SIDT1: variants seen among roughly 807,000 people sequenced by gnomAD.
SIDT1 encodes SID1 transmembrane family member 1, also known as SID1 transmembrane family, member 1.
SIDT1 carries 101 observed loss-of-function variants against 107.5 expected under a neutral mutation model. The ratio of observed to expected loss-of-function variants is 0.94; its 90% confidence interval spans 0.80 to 1.11. SIDT1 has a LOEUF of 1.11. Ranked by LOEUF, SIDT1 falls within the 50% of genes least tolerant of loss-of-function variation. The probability of loss-of-function intolerance (pLI) is 0.00; values close to 1 mark genes in which losing one functional copy is unlikely to be tolerated. For missense variants in SIDT1, 1,076 were observed against 1,058.2 expected, an observed-to-expected ratio of 1.02 and a Z score of -0.23; for synonymous variants, 395 against 398.2, an observed-to-expected ratio of 0.99 and a Z score of 0.10.
intron 3 of SIDT1, chr3:113,567,989 G>A: frequency 3.2e-6 from 1 of 310,552 alleles, no homozygotes; most frequent in Non-Finnish European, 5.8e-6. Context: ...AGGCAAGAAT[G>A]ACTGGTGACT....
chr3:113,609,188 C>T (rs1299864044), intron 17 of SIDT1, among the ~76,000 whole-genome samples: 9 of 151,362 alleles, frequency 5.9e-5, no homozygotes, highest in African/African-American at 1.7e-4. Context: ...TCAGCCTCCC[C>T]AGTAGCTGGG....
At chr3:113,541,925 C>CTTTT (rs34308658) in intron 1 of SIDT1, among the ~76,000 whole-genome samples, 4 of 128,214 alleles carry the variant, frequency 3.1e-5, no homozygotes, top group South Asian at 2.5e-4. Flanking sequence ...CTTTTTCTTT[C>CTTTT]TTTTTTTTTT....
chr3:113,563,974 T>C (rs1466240366), intron 1 of SIDT1, among the ~76,000 whole-genome samples: 1 of 151,732 alleles, frequency 6.6e-6, no homozygotes, highest in Non-Finnish European at 1.5e-5. Context: ...TGAGATGGAG[T>C]TTCACTCTTT....
intron 23 of SIDT1, among the ~76,000 whole-genome samples, chr3:113,624,469 C>T (rs1440540365): frequency 6.6e-6 from 1 of 152,210 alleles, no homozygotes; most frequent in Non-Finnish European, 1.5e-5. Context: ...TTCCGTTGTA[C>T]TGATATATCA....
chr3:113,584,615 GAAC>G, intron 7 of SIDT1, 80 bp from the exon 8 acceptor site: 1 of 884,092 alleles, frequency 1.1e-6, no homozygotes. Context: ...GACATTTTTT[GAAC>G]AACAGTTCAG....
intron 20 of SIDT1, among the ~76,000 whole-genome samples, chr3:113,617,768 T>G (rs1353694408): frequency 6.6e-6 from 1 of 152,188 alleles, no homozygotes; most frequent in Non-Finnish European, 1.5e-5. Context: ...GACTTTATAT[T>G]TTTTTAGAGC....
In SIDT1 at chr3:113,589,529, C is replaced by CTTTT. The variant is rs386397654; in HGVS notation, c.1002-3457_1002-3454dup. Among the ~76,000 whole-genome samples, 719 of 116,004 alleles carry CTTTT rather than the reference C, an allele frequency of 6.2e-3. 3 individuals are homozygous for CTTTT. The highest frequency in any genetic ancestry group is 8.5e-3 in the Non-Finnish European group (488 of 57,518). The allele number at this position is 116,004 out of a possible 152,430, so 76.1% of individuals were successfully genotyped here. A position where few individuals can be genotyped will look rare whatever the true frequency, so the allele number is the denominator to read the frequency against. On this transcript the variant is annotated intron_variant, in intron 9 of 24. Coordinates refer to ENST00000264852, the MANE Select transcript of SIDT1 (RefSeq NM_017699.3). ...TCAGGCCAAATTATAACTTCTCTCC[C>CTTTT]TTTTTTTTTTTTTTTTTTTTTTGAG...
At chr3:113,568,593 C>CAA (rs769569991) in intron 3 of SIDT1, among the ~76,000 whole-genome samples, 5 of 90,650 alleles carry the variant, frequency 5.5e-5, no homozygotes, top group East Asian at 5.9e-4. Context: ...GACTCTGTCT[C>CAA]AAAAAAAAAA....
At chr3:113,559,460 G>A (rs1275750866) in intron 1 of SIDT1, among the ~76,000 whole-genome samples, 1 of 148,314 alleles carries the variant, frequency 6.7e-6, no homozygotes, top group African/African-American at 2.5e-5. Flanking sequence ...TATTTTTTGA[G>A]ACAGGGTTTT....
At chr3:113,545,908 T>C (rs1393708228) in intron 1 of SIDT1, among the ~76,000 whole-genome samples, 3 of 152,272 alleles carry the variant, frequency 2.0e-5, no homozygotes, top group Admixed American at 1.3e-4. Context: ...ATTAGTGGTT[T>C]CTGAAATATG....
chr3:113,555,216 T>C (rs1479612400), intron 1 of SIDT1, among the ~76,000 whole-genome samples: 2 of 152,218 alleles, frequency 1.3e-5, no homozygotes, highest in Non-Finnish European at 2.9e-5. Flanking sequence ...GCCCTCCTCC[T>C]ACTTTTCTGG....
chr3:113,550,815 G>A (rs1180862858), intron 1 of SIDT1, among the ~76,000 whole-genome samples: 2 of 151,956 alleles, frequency 1.3e-5, no homozygotes, highest in Non-Finnish European at 2.9e-5. Flanking sequence ...TAGGTGTCAT[G>A]GGGCTTTGTT....
intron 1 of SIDT1, among the ~76,000 whole-genome samples, chr3:113,543,388 T>C (rs542343864): frequency 6.6e-6 from 1 of 152,230 alleles, no homozygotes; most frequent in South Asian, 2.1e-4. Flanking sequence ...CCTGCAGTCT[T>C]CTCACTGAGC....
At chr3:113,625,942 A>T in intron 23 of SIDT1, 160 bp from the exon 24 acceptor site, 2 of 604,172 alleles carry the variant, frequency 3.3e-6, no homozygotes, top group East Asian at 5.5e-5. Flanking sequence ...TGTGCTTTTG[A>T]GGTCTTTGTG....
chr3:113,572,717 A>G (rs1479826323), intron 3 of SIDT1, among the ~76,000 whole-genome samples: 1 of 152,250 alleles, frequency 6.6e-6, no homozygotes, highest in East Asian at 1.9e-4. Context: ...ACATGGAGAT[A>G]ATTCATAATT....
In SIDT1 at chr3:113,619,728, T is replaced by C; in HGVS notation, c.2090+2T>C. 1 of 1,613,756 alleles carries C rather than the reference T, an allele frequency of 6.2e-7. No individual in the cohort carries two copies. Among genetic ancestry groups the C allele is most frequent in the Non-Finnish European group, 8.5e-7 (1 of 1,179,650 alleles). On this transcript the variant is annotated splice_donor_variant, in intron 21 of 24. Transcript: ENST00000264852. LOFTEE classifies it high-confidence loss of function. ...GGGGAATCTGGTTAACTGGTCCTTG[T>C]AAGTAGTCTTATGAAAACATGTTTT...
intron 1 of SIDT1, among the ~76,000 whole-genome samples, chr3:113,552,559 A>C (rs2399488): frequency 0.64 from 97,001 of 152,000 alleles, 31,446 homozygotes; most frequent in Middle Eastern, 0.7. Context: ...CTCAGACAAC[A>C]TTTCGGGACC....
Position 113,602,993 on chromosome 3 carries a change from T to C in SIDT1, c.1118-12T>C. On this transcript the variant is annotated splice_polypyrimidine_tract_variant and intron_variant, in intron 11 of 24. Transcript: ENST00000264852. Reference sequence around the variant, plus strand: ...ACGGCTTTTGATGGCAGATGAGTTGTCTCTGTTTCAGATGAGTCAAGCTCC... The same window carrying C: ...ACGGCTTTTGATGGCAGATGAGTTGCCTCTGTTTCAGATGAGTCAAGCTCC... 6.2e-7 allele frequency: 1 copy of C among 1,613,092 alleles called. No individual in the cohort carries two copies. The highest frequency in any genetic ancestry group is 2.2e-5 in the East Asian group (1 of 44,872).
chr3:113,592,797 A>G (rs151305501), intron 9 of SIDT1: 5,427 of 507,588 alleles, frequency 0.011, 34 homozygotes, highest in Middle Eastern at 0.021. Flanking sequence ...CATATTGGCC[A>G]GGCTGGTCTT....
Sources: allele counts gnomAD v4.1 joint callset (sites outside exome capture counted in the v4.1 genomes callset), GRCh38; gene constraint gnomAD v4.1.1; transcripts MANE v1.5; gene names NCBI Gene and HGNC (gene_info 2026-07-23, HGNC 2026-07-21).